Variants in FDX1 observed in about 807,000 individuals in gnomAD.
The protein encoded by FDX1 is ferredoxin 1.
Under a neutral mutation model 14.9 loss-of-function variants are expected in FDX1, and 9 were observed. The ratio of observed to expected loss-of-function variants is 0.60; its 90% CI spans 0.36 to 1.05. The LOEUF (loss-of-function observed/expected upper bound fraction) is 1.05. FDX1 is among the 50% of genes least tolerant of loss of function. The pLI is 0.01. For missense variants in FDX1, 204 were observed against 237.2 expected (o/e 0.86, Z 0.92); for synonymous variants, 92 against 99.4 (o/e 0.93, Z 0.44).
chr11:110,446,590 C>G (rs979310045), intron 2 of FDX1, among the ~76,000 whole-genome samples: 1 of 152,282 alleles, frequency 6.6e-6, no homozygotes. Flanking sequence ...TGTCCTTCCT[C>G]GAGTCTTTCC....
chr11:110,457,062 C>T lies in FDX1; in HGVS notation c.440+15C>T. 1 of 1,603,834 alleles carries T rather than the reference C, an allele frequency of 6.2e-7. No homozygotes were observed. The highest frequency in any genetic ancestry group is 8.5e-7 in the Non-Finnish European group (1 of 1,173,140). On this transcript the variant is annotated intron_variant, in intron 3 of 3. Coordinates refer to ENST00000260270, the MANE Select transcript of FDX1 (RefSeq NM_004109.5). ...CTAACAGACAGGTAAGATTTTTGGA[C>T]TGCTTCAATTGTAATAATAATCTGG...
intron 3 of FDX1, among the ~76,000 whole-genome samples, chr11:110,458,614 CTT>C (rs200776824): frequency 1.4e-5 from 2 of 146,220 alleles, no homozygotes; most frequent in African/African-American, 2.5e-5. Flanking sequence ...ACCATCGTTT[CTT>C]TTTTTTTTTG....
rs572120843 is a variant in FDX1, at chr11:110,430,133, G to C, written c.13G>C (p.Gly5Arg). MAAA[G>R]GARLLRAASA... ...CCGACCGCGGGCGATGGCTGCCGCTGGGGGCGCCCGGCTGCTGCGCGCCGC... is the reference window on the plus strand; with the variant it reads ...CCGACCGCGGGCGATGGCTGCCGCTCGGGGCGCCCGGCTGCTGCGCGCCGC... The change falls in exon 1 of 4, where the codon GGG becomes CGG. Residue 5 changes from glycine to arginine, a missense_variant. Coordinates refer to ENST00000260270, the MANE Select transcript of FDX1 (RefSeq NM_004109.5). 1.3e-5 allele frequency: 16 copies of C among 1,239,350 alleles called. No homozygotes were observed. The South Asian group carries it at 5.3e-4, about 41-fold the overall frequency. 76.8% of individuals were successfully genotyped at this position (1,239,350 alleles called of 1,614,324 possible). A position where few individuals can be genotyped will look rare whatever the true frequency, so the allele number is the denominator to read the frequency against.
rs1946463708 is a variant in FDX1, at chr11:110,448,148, C to G, written c.311-8770C>G. Among the ~76,000 whole-genome samples, 13 of 152,212 alleles carry G rather than the reference C, an allele frequency of 8.5e-5. No individual in the cohort carries two copies. In the South Asian group the frequency reaches 2.7e-3, roughly 32 times the overall value. Reference sequence around the variant, plus strand: ...GTTACACACCTGAGATTCAACTTACCTAGTTTACTCTCAAGACATTTTTTT... The same window carrying G: ...GTTACACACCTGAGATTCAACTTACGTAGTTTACTCTCAAGACATTTTTTT... On this transcript the variant is annotated intron_variant, in intron 2 of 3. Transcript: ENST00000260270.
At chr11:110,453,193 C>T (rs1946497524) in intron 2 of FDX1, among the ~76,000 whole-genome samples, 1 of 152,082 alleles carries the variant, frequency 6.6e-6, no homozygotes, top group Non-Finnish European at 1.5e-5. Context: ...AAAAATTAGC[C>T]AGGCATGGTG....
At position 110,444,683 on chromosome 11, in the gene FDX1, TACAC is replaced by T. The variant is rs773044486; in HGVS notation, c.310+8726_310+8729del. ...ATATATACGTATATATATATATATA[TACAC>T]GTATATATATATATATACGTATATA... On this transcript the variant is annotated intron_variant, in intron 2 of 3. Coordinates refer to ENST00000260270, the MANE Select transcript of FDX1 (RefSeq NM_004109.5). Among the ~76,000 whole-genome samples, 42 of 52,642 alleles carry T rather than the reference TACAC, an allele frequency of 8.0e-4. 1 individual carries two copies. Among genetic ancestry groups the T allele is most frequent in the Middle Eastern group, 6.8e-3 (1 of 146 alleles). The allele number at this position is 52,642 out of a possible 152,430, so 34.5% of individuals were successfully genotyped here. A position where few individuals can be genotyped will look rare whatever the true frequency, so the allele number is the denominator to read the frequency against.
chr11:110,442,518 C>T (rs933098940), intron 2 of FDX1, among the ~76,000 whole-genome samples: 1 of 152,240 alleles, frequency 6.6e-6, no homozygotes. Flanking sequence ...TAAGATTTGA[C>T]TGCCCTGCTG....
chr11:110,448,963 A>G lies in FDX1; in HGVS notation c.311-7955A>G, dbSNP rs551619878. ...CAGCACCATGTGAACCATGCTGTTTATAGACATCTGAATATCTGTATGATT... is the reference window on the plus strand; with the variant it reads ...CAGCACCATGTGAACCATGCTGTTTGTAGACATCTGAATATCTGTATGATT... On this transcript the variant is annotated intron_variant, in intron 2 of 3. Coordinates refer to ENST00000260270, the MANE Select transcript of FDX1 (RefSeq NM_004109.5). Among the ~76,000 whole-genome samples, 3 of 152,346 alleles carry G rather than the reference A, an allele frequency of 2.0e-5. No homozygotes were observed. The South Asian group carries it at 6.2e-4, about 32-fold the overall frequency.
intron 2 of FDX1, among the ~76,000 whole-genome samples, chr11:110,454,892 C>T (rs1267823496): frequency 6.6e-6 from 1 of 152,132 alleles, no homozygotes. Context: ...CAGCCCATGC[C>T]CCTAACTCTG....
intron 2 of FDX1, among the ~76,000 whole-genome samples, chr11:110,455,993 C>G (rs755073923): frequency 5.9e-5 from 9 of 152,142 alleles, no homozygotes; most frequent in Admixed American, 1.3e-4. Flanking sequence ...TTTAGTTGGA[C>G]AAGGTGGTGT....
At chr11:110,432,922 C>T (rs1030744144) in intron 1 of FDX1, among the ~76,000 whole-genome samples, 11 of 152,182 alleles carry the variant, frequency 7.2e-5, no homozygotes, top group African/African-American at 2.7e-4. Context: ...TTAATACAGA[C>T]CAACAGGTTG....
chr11:110,435,802 TA>T, intron 1 of FDX1, 31 bp from the exon 2 acceptor site: 3 of 1,530,776 alleles, frequency 2.0e-6, no homozygotes, highest in African/African-American at 1.4e-5. Context: ...TTGAAATTAC[TA>T]AAAATACTAA....
chr11:110,461,381 C>G (rs756714158), intron 3 of FDX1, among the ~76,000 whole-genome samples: 2 of 151,078 alleles, frequency 1.3e-5, no homozygotes, highest in Non-Finnish European at 3.0e-5. Context: ...CTGTAGTCCC[C>G]GCTACTTAGG....
Position 110,457,003 on chromosome 11 carries a change from T to A in FDX1, c.396T>A (p.Asp132Glu), listed in dbSNP as rs186702065. The A allele has an allele frequency of 6.3e-5, 102 of 1,613,724 alleles. No individual in the cohort carries two copies. The East Asian group carries it at 1.4e-3, about 23-fold the overall frequency. ...HIYEKLDAITDEENDMLDLAY... is the reference protein window; with the variant it reads ...HIYEKLDAITEEENDMLDLAY... ...ATGAGAAGTTAGATGCAATCACTGA[T>A]GAGGAGAATGACATGCTCGATCTGG... The change falls in exon 3 of 4, where the codon GAT becomes GAA. Residue 132 changes from aspartate (D) to glutamate (E), a missense_variant. By Grantham distance (45) the Asp-to-Glu change is conservative. Transcript: ENST00000260270.
intron 2 of FDX1, among the ~76,000 whole-genome samples, chr11:110,441,714 C>T (rs1398869672): frequency 6.6e-6 from 1 of 152,162 alleles, no homozygotes; most frequent in African/African-American, 2.4e-5. Flanking sequence ...TGCAGCCTGA[C>T]AATGTGATAG....
intron 2 of FDX1, among the ~76,000 whole-genome samples, chr11:110,453,590 G>A (rs1329659448): frequency 6.8e-6 from 1 of 148,010 alleles, no homozygotes; most frequent in Non-Finnish European, 1.5e-5. Flanking sequence ...ACCCTTTTTG[G>A]TTAGGTGTCT....
At chr11:110,442,841 C>T (rs2134680701) in intron 2 of FDX1, among the ~76,000 whole-genome samples, 1 of 152,278 alleles carries the variant, frequency 6.6e-6, no homozygotes, top group East Asian at 1.9e-4. Flanking sequence ...CCCTCCTATC[C>T]AGACCTCATC....
intron 2 of FDX1, among the ~76,000 whole-genome samples, chr11:110,448,251 A>G (rs964787833): frequency 6.6e-6 from 1 of 152,196 alleles, no homozygotes; most frequent in Non-Finnish European, 1.5e-5. Context: ...TTGTGTTTGT[A>G]TAAGTTTATT....
intron 2 of FDX1, among the ~76,000 whole-genome samples, chr11:110,443,924 G>C (rs376739931): frequency 4.0e-5 from 6 of 151,448 alleles, no homozygotes; most frequent in African/African-American, 1.5e-4. Context: ...GTTGTTTTTT[G>C]CTTATTGATT....
Sources: allele counts gnomAD v4.1 joint callset (sites outside exome capture counted in the v4.1 genomes callset), GRCh38; gene constraint gnomAD v4.1.1; transcripts MANE v1.5; gene names NCBI Gene and HGNC (gene_info 2026-07-23, HGNC 2026-07-21).